The following KCNQ1 variants were observed in gnomAD, a reference collection of about 807,000 sequenced individuals.
KCNQ1 encodes the protein potassium voltage-gated channel subfamily KQT member 1.
In KCNQ1, 49 loss-of-function variants were observed where a neutral mutation model predicts 72.4. The ratio of observed to expected loss-of-function variants is 0.68; its 90% CI spans 0.54 to 0.86. The LOEUF is 0.86. Ranked by LOEUF, KCNQ1 falls within the 40% of genes least tolerant of loss-of-function variation. The probability of loss-of-function intolerance (pLI) is 0.00; values close to 1 mark genes in which losing one functional copy is unlikely to be tolerated. For missense variants in KCNQ1, 790 were observed against 945.1 expected (o/e 0.84, Z 2.15); for synonymous variants, 450 against 412.6 (o/e 1.09, Z -1.10).
chr11:2,573,151 G>C (rs1207080148), intron 6 of KCNQ1, among the ~76,000 whole-genome samples, 165 bp downstream of exon 6: 3 of 152,190 alleles, frequency 2.0e-5, no homozygotes, highest in Non-Finnish European at 4.4e-5. Context: ...CGCTGGCACA[G>C]GTCCCCACGC....
rs1005503148 is a variant in KCNQ1 at position 2,710,065 on chromosome 11, C to T, written c.1514+47984C>T. ...TTTAACCTTTTGAGGATCTGCCAGACTGTTTTCCAATGTGGCAGCACCATT... is the reference window on the plus strand; with the variant it reads ...TTTAACCTTTTGAGGATCTGCCAGATTGTTTTCCAATGTGGCAGCACCATT... On this transcript the variant is annotated intron_variant, in intron 11 of 15. Transcript: ENST00000155840. The surrounding 1 kb of genome is among the most constrained non-coding windows in gnomAD (Gnocchi z 4.1). Among the ~76,000 whole-genome samples, 11 of 152,184 alleles carry T rather than the reference C, an allele frequency of 7.2e-5. No individual in the cohort carries two copies. Among genetic ancestry groups the T allele is most frequent in the Non-Finnish European group, 1.2e-4 (8 of 68,030 alleles).
In KCNQ1 at chr11:2,824,221, T is replaced by C. The variant is rs1044906833; in HGVS notation, c.1795-23546T>C. Among the ~76,000 whole-genome samples, 2 of 151,912 alleles carry C rather than the reference T, an allele frequency of 1.3e-5. No homozygotes were observed. The highest frequency in any genetic ancestry group is 1.5e-5 in the Non-Finnish European group (1 of 67,976). ...CCTGGCTGAAGTGTGAGGCTGTCCA[T>C]GGAGGGGCCAGAGTAGAGGGGAGGT... On this transcript the variant is annotated intron_variant, in intron 15 of 15. Coordinates refer to ENST00000155840, the MANE Select transcript of KCNQ1 (RefSeq NM_000218.3). The surrounding 1 kb of genome is among the most constrained non-coding windows in gnomAD (Gnocchi z 5.9).
chr11:2,747,713 T>A (rs530631617), intron 11 of KCNQ1, among the ~76,000 whole-genome samples: 2 of 151,908 alleles, frequency 1.3e-5, no homozygotes, highest in East Asian at 3.9e-4. Context: ...CAGGCTAGGA[T>A]GGTGGGAAGG....
intron 11 of KCNQ1, among the ~76,000 whole-genome samples, chr11:2,728,555 A>G (rs1845802767): frequency 6.6e-6 from 1 of 152,068 alleles, no homozygotes; most frequent in South Asian, 2.1e-4. Flanking sequence ...AGATTCTAAA[A>G]CACTCTGGCA....
In KCNQ1 at chr11:2,690,123, G is replaced by A. The variant is rs1039988294; in HGVS notation, c.1514+28042G>A. The stretch of plus-strand genomic sequence containing the variant: ...CTCTTCCGGGGTTAGAACTGGGGGA[G>A]CAGGGACAAAAAGCGGGCAGCCCTC... On this transcript the variant is annotated intron_variant, in intron 11 of 15. Coordinates refer to ENST00000155840, the MANE Select transcript of KCNQ1 (RefSeq NM_000218.3). This position sits in a 1 kb window ranked among gnomAD's most constrained non-coding sequence, Gnocchi z 5.1. 7 of 398,888 alleles carry A rather than the reference G, an allele frequency of 1.8e-5. No homozygotes were observed. In the Admixed American group the frequency reaches 2.2e-4, roughly 13 times the overall value. The allele number at this position is 398,888 out of a possible 1,614,324, so 24.7% of individuals were successfully genotyped here.
rs1276054243 is a variant in KCNQ1, at chr11:2,724,032, C to T, written c.1515-44812C>T. ...GTGTCTGACACAGAGCCCTGTACTCCATCTATGCAGCCCCCACCACCTCTG... is the reference window on the plus strand; with the variant it reads ...GTGTCTGACACAGAGCCCTGTACTCTATCTATGCAGCCCCCACCACCTCTG... On this transcript the variant is annotated intron_variant, in intron 11 of 15. Transcript: ENST00000155840. The surrounding 1 kb of genome is among the most constrained non-coding windows in gnomAD (Gnocchi z 6.8). 1.3e-5 allele frequency among the ~76,000 whole-genome samples: 2 copies of T among 152,158 alleles called. No homozygotes were observed. The highest frequency in any genetic ancestry group is 4.8e-5 in the African/African-American group (2 of 41,434).
In KCNQ1 at chr11:2,675,037, G is replaced by A. The variant is rs1850268063; in HGVS notation, c.1514+12956G>A. 6 of 398,636 alleles carry A rather than the reference G, an allele frequency of 1.5e-5. No homozygotes were observed. In the East Asian group the frequency reaches 1.8e-4, roughly 12 times the overall value. The allele number at this position is 398,636 out of a possible 1,614,324, so 24.7% of individuals were successfully genotyped here. On this transcript the variant is annotated intron_variant, in intron 11 of 15. Coordinates refer to ENST00000155840, the MANE Select transcript of KCNQ1 (RefSeq NM_000218.3). ...CTGACTTCTCTGCCAGAGCCCAGGT[G>A]GGGGACGGGGATGCCAAGGGCAGAG... is the stretch of plus-strand genomic sequence containing the variant.
Position 2,550,232 on chromosome 11 carries a change from G to T in KCNQ1, c.478-20396G>T, listed in dbSNP as rs116214095. On this transcript the variant is annotated intron_variant, in intron 2 of 15. Coordinates refer to ENST00000155840, the MANE Select transcript of KCNQ1 (RefSeq NM_000218.3). This position sits in a 1 kb window ranked among gnomAD's most constrained non-coding sequence, Gnocchi z 6.0. The stretch of plus-strand genomic sequence containing the variant: ...GTTGCCGGGACTGGGCCGTGTGCCT[G>T]GAGTTTGAACTTTTCTGATCACGGG... Among the ~76,000 whole-genome samples the T allele has an allele frequency of 6.6e-6, 1 of 152,224 alleles. No individual in the cohort carries two copies. Among genetic ancestry groups the T allele is most frequent in the Non-Finnish European group, 1.5e-5 (1 of 68,026 alleles).
Position 2,611,812 on chromosome 11 carries a change from C to T in KCNQ1, c.1393+22958C>T. Reference sequence around the variant, plus strand: ...TCTCTTCCTCCTTTACTGCCTTCTGCAGGTTGAATAGATATGTTCTAGAGT... The same window carrying T: ...TCTCTTCCTCCTTTACTGCCTTCTGTAGGTTGAATAGATATGTTCTAGAGT... On this transcript the variant is annotated intron_variant, in intron 10 of 15. Coordinates refer to ENST00000155840, the MANE Select transcript of KCNQ1 (RefSeq NM_000218.3). This position sits in a 1 kb window ranked among gnomAD's most constrained non-coding sequence, Gnocchi z 5.3. 1 of 398,470 alleles carries T rather than the reference C, an allele frequency of 2.5e-6. No homozygotes were observed. Among genetic ancestry groups the T allele is most frequent in the Non-Finnish European group, 4.4e-6 (1 of 226,010 alleles). 24.7% of individuals were successfully genotyped at this position (398,470 alleles called of 1,614,324 possible).
intron 2 of KCNQ1, among the ~76,000 whole-genome samples, chr11:2,535,895 C>T (rs1847723495): frequency 6.6e-6 from 1 of 152,222 alleles, no homozygotes; most frequent in Admixed American, 6.5e-5. Context: ...GATGGGCACC[C>T]TGCCTCCAGT....
rs757545342 is a variant in KCNQ1 at position 2,818,719 on chromosome 11, T to A, written c.1795-29048T>A. Among the ~76,000 whole-genome samples the A allele has an allele frequency of 3.3e-5, 5 of 149,818 alleles. No homozygotes were observed. The highest frequency in any genetic ancestry group is 5.9e-5 in the Non-Finnish European group (4 of 67,582). On this transcript the variant is annotated intron_variant, in intron 15 of 15. Transcript: ENST00000155840. The surrounding 1 kb of genome is among the most constrained non-coding windows in gnomAD (Gnocchi z 7.2). ...CCAGCTGCCCAGAGCCCCCAGCCCCTACCCTAGTCTGATGACCCAGGCCTT... is the reference window on the plus strand; with the variant it reads ...CCAGCTGCCCAGAGCCCCCAGCCCCAACCCTAGTCTGATGACCCAGGCCTT...
rs1453639377 is a variant in KCNQ1, at chr11:2,787,591, A to AT, written c.1794+9558dup. On this transcript the variant is annotated intron_variant, in intron 15 of 15. Transcript: ENST00000155840. The surrounding 1 kb of genome is among the most constrained non-coding windows in gnomAD (Gnocchi z 6.3). ...TAAGTAAAATTGATTACAATAATAT[A>AT]TTTTATTTAACCCAATAGATCCAAA... is the stretch of plus-strand genomic sequence containing the variant. 1.3e-5 allele frequency among the ~76,000 whole-genome samples: 2 copies of AT among 152,202 alleles called. No individual in the cohort carries two copies. The highest frequency in any genetic ancestry group is 2.9e-5 in the Non-Finnish European group (2 of 68,040).
rs1847879748 is a variant in KCNQ1 at position 2,828,311 on chromosome 11, G to A, written c.1795-19456G>A. 6.6e-6 allele frequency among the ~76,000 whole-genome samples: 1 copy of A among 152,220 alleles called. No individual in the cohort carries two copies. Among genetic ancestry groups the A allele is most frequent in the Admixed American group, 6.5e-5 (1 of 15,286 alleles). On this transcript the variant is annotated intron_variant, in intron 15 of 15. Transcript: ENST00000155840. The surrounding 1 kb of genome is among the most constrained non-coding windows in gnomAD (Gnocchi z 5.3). ...CCAGAGCTGAAAGCACTGGTTAAACGTGATGGGTAAACACATGTCTATTTC... is the reference window on the plus strand; with the variant it reads ...CCAGAGCTGAAAGCACTGGTTAAACATGATGGGTAAACACATGTCTATTTC...
At chr11:2,487,043 A>G (rs7947797) in intron 1 of KCNQ1, among the ~76,000 whole-genome samples, 26,640 of 152,108 alleles carry the variant, frequency 0.18, 2,464 homozygotes, top group African/African-American at 0.24. Flanking sequence ...ATTTTGAGTT[A>G]ATTTTTGTAT....
intron 11 of KCNQ1, among the ~76,000 whole-genome samples, chr11:2,739,649 AG>A (rs1287342875): frequency 6.6e-6 from 1 of 152,224 alleles, no homozygotes; most frequent in Non-Finnish European, 1.5e-5. Context: ...TTGTCAGCCC[AG>A]CCATGGCTCC....
At chr11:2,633,722 A>G (rs753546700) in intron 10 of KCNQ1, 9 of 398,384 alleles carry the variant, frequency 2.3e-5, no homozygotes, top group African/African-American at 4.1e-5. Flanking sequence ...CCATTGGTCT[A>G]TATGTCTGTT....
In KCNQ1 at chr11:2,709,673, G is replaced by T. The variant is rs1054658033; in HGVS notation, c.1514+47592G>T. 2.6e-5 allele frequency among the ~76,000 whole-genome samples: 4 copies of T among 151,990 alleles called. No individual in the cohort carries two copies. In the East Asian group the frequency reaches 7.7e-4, roughly 29 times the overall value. On this transcript the variant is annotated intron_variant, in intron 11 of 15. Transcript: ENST00000155840. ...CATTCCCCAGCCCCAGTCAGCCACG[G>T]CTCTGCTTTCTATCTCCACGGGTTT...
rs114884300 is a variant in KCNQ1 at position 2,555,720 on chromosome 11, C to T, written c.478-14908C>T. Among the ~76,000 whole-genome samples the T allele has an allele frequency of 8.7e-3, 1,319 of 152,352 alleles. 27 individuals are homozygous for T. The highest frequency in any genetic ancestry group is 0.028 in the African/African-American group (1,184 of 41,582). ...AGAGCCCTGAGTGCCTCCCATATGC[C>T]CACATTTTCCTGCCCCTGGGCCTTT... On this transcript the variant is annotated intron_variant, in intron 2 of 15. Transcript: ENST00000155840.
intron 15 of KCNQ1, among the ~76,000 whole-genome samples, chr11:2,842,566 G>A (rs1035015285): frequency 6.6e-6 from 1 of 152,248 alleles, no homozygotes; most frequent in African/African-American, 2.4e-5. Flanking sequence ...AATGGAAAGT[G>A]AAGGGAATTG....
Sources: allele counts gnomAD v4.1 joint callset (sites outside exome capture counted in the v4.1 genomes callset), GRCh38; gene constraint gnomAD v4.1.1; non-coding constraint Gnocchi (gnomAD v3.1); transcripts MANE v1.5; gene names NCBI Gene and HGNC (gene_info 2026-07-23, HGNC 2026-07-21).